PDZRN3: variants seen among roughly 807,000 people sequenced by gnomAD.
The protein encoded by PDZRN3 is PDZ domain containing ring finger 3.
PDZRN3 carries 38 observed loss-of-function variants against 85.7 expected under a neutral mutation model. The observed-to-expected ratio is 0.44, with a 90% CI of 0.34 to 0.58. The LOEUF is 0.58. PDZRN3 is among the 20% of genes least tolerant of loss of function. PDZRN3 has a pLI of 0.01. For missense variants in PDZRN3, 1,629 were observed against 1,506.4 expected (o/e 1.08, Z -1.35); for synonymous variants, 759 against 638.0 (o/e 1.19, Z -2.86).
intron 3 of PDZRN3, among the ~76,000 whole-genome samples, chr3:73,545,340 T>C (rs759477187): frequency 4.6e-5 from 7 of 152,174 alleles, no homozygotes; most frequent in African/African-American, 9.7e-5. Flanking sequence ...AAGAAACTCT[T>C]TGGGGAAGGG....
intron 3 of PDZRN3, among the ~76,000 whole-genome samples, chr3:73,431,789 C>T (rs1482047503): frequency 2.6e-5 from 4 of 151,998 alleles, no homozygotes; most frequent in Non-Finnish European, 5.9e-5. Context: ...AGTATTTCCA[C>T]ATAAATTCAC....
intron 3 of PDZRN3, among the ~76,000 whole-genome samples, chr3:73,496,902 C>CGTCCT (rs1190295223): frequency 6.6e-6 from 1 of 152,156 alleles, no homozygotes; most frequent in Non-Finnish European, 1.5e-5. Context: ...CTTCCTCTCC[C>CGTCCT]GTCCTGTATT....
chr3:73,570,278 TACTG>T (rs1442168085), intron 3 of PDZRN3, among the ~76,000 whole-genome samples: 2 of 152,122 alleles, frequency 1.3e-5, no homozygotes, highest in African/African-American at 2.4e-5. Context: ...AACAAACGAA[TACTG>T]ACTAACTTAT....
chr3:73,424,115 A>G (rs1440666935), intron 3 of PDZRN3, among the ~76,000 whole-genome samples: 1 of 152,160 alleles, frequency 6.6e-6, no homozygotes, highest in Non-Finnish European at 1.5e-5. Context: ...ATAAGTAAAT[A>G]TCTTTCTGAC....
intron 3 of PDZRN3, among the ~76,000 whole-genome samples, chr3:73,442,570 G>A (rs892348116): frequency 1.3e-5 from 2 of 152,160 alleles, no homozygotes; most frequent in Non-Finnish European, 2.9e-5. Context: ...AGGGAGATGT[G>A]ATGGCATTAA....
chr3:73,477,041 T>C (rs1703472264), intron 3 of PDZRN3, among the ~76,000 whole-genome samples: 1 of 152,214 alleles, frequency 6.6e-6, no homozygotes, highest in African/African-American at 2.4e-5. Context: ...TTTATTGAGT[T>C]CTTATAATGT....
At chr3:73,539,649 C>T (rs1704868540) in intron 3 of PDZRN3, among the ~76,000 whole-genome samples, 2 of 152,060 alleles carry the variant, frequency 1.3e-5, no homozygotes, top group South Asian at 4.2e-4. Flanking sequence ...GATGAACAAT[C>T]CAGCCATCCC....
intron 5 of PDZRN3, among the ~76,000 whole-genome samples, chr3:73,399,894 A>G (rs1410677294): frequency 2.0e-5 from 3 of 152,176 alleles, no homozygotes; most frequent in Non-Finnish European, 4.4e-5. Context: ...TTTGCACACA[A>G]TTATTGATTT....
chr3:73,541,891 T>C (rs908570200), intron 3 of PDZRN3, among the ~76,000 whole-genome samples: 10 of 147,416 alleles, frequency 6.8e-5, no homozygotes, highest in Non-Finnish European at 1.6e-4. Context: ...TGTTTGTAAA[T>C]GCTAGAAACC....
At chr3:73,487,438 C>T (rs376600241) in intron 3 of PDZRN3, among the ~76,000 whole-genome samples, 2 of 152,114 alleles carry the variant, frequency 1.3e-5, no homozygotes, top group Admixed American at 6.6e-5. Flanking sequence ...TTTACACCTC[C>T]CAGGAGAAGG....
In PDZRN3 at chr3:73,575,411, CAAG is replaced by C. The variant is rs143190774; in HGVS notation, c.918+26940_918+26942del. Among the ~76,000 whole-genome samples the C allele has an allele frequency of 1.2e-3, 188 of 152,234 alleles. 1 individual carries two copies. Among genetic ancestry groups the C allele is most frequent in the African/African-American group, 4.4e-3 (181 of 41,522 alleles). ...GCCACAAGCTCAGTGAAGCACCACA[CAAG>C]AAGAAGTTGCTCCAAGAAGCCTCAT... On this transcript the variant is annotated intron_variant, in intron 3 of 9. Coordinates refer to ENST00000263666, the MANE Select transcript of PDZRN3 (RefSeq NM_015009.3).
At chr3:73,516,802 A>G (rs1281580810) in intron 3 of PDZRN3, among the ~76,000 whole-genome samples, 1 of 80,278 alleles carries the variant, frequency 1.2e-5, no homozygotes, top group African/African-American at 3.6e-5. Flanking sequence ...GTTACAGGAC[A>G]CGGAGTCCTG....
At chr3:73,397,331 G>GA (rs1381063115) in intron 5 of PDZRN3, among the ~76,000 whole-genome samples, 1 of 152,178 alleles carries the variant, frequency 6.6e-6, no homozygotes, top group African/African-American at 2.4e-5. Flanking sequence ...ATTCAATTTA[G>GA]ATGATAAGTG....
At chr3:73,421,247 A>T (rs1288294462) in intron 3 of PDZRN3, among the ~76,000 whole-genome samples, 1 of 152,120 alleles carries the variant, frequency 6.6e-6, no homozygotes, top group Non-Finnish European at 1.5e-5. Context: ...CACTCCTAAC[A>T]CCCTAGGAGA....
rs922733530 is a variant in PDZRN3, at chr3:73,624,179, T to C, written c.647A>G (p.Tyr216Cys). 1 of 1,503,202 alleles carries C rather than the reference T, an allele frequency of 6.7e-7. No homozygotes were observed. The highest frequency in any genetic ancestry group is 8.8e-7 in the Non-Finnish European group (1 of 1,131,666). The allele number at this position is 1,503,202 out of a possible 1,614,324, so 93.1% of individuals were successfully genotyped here. A position where few individuals can be genotyped will look rare whatever the true frequency, so the allele number is the denominator to read the frequency against. Residue 216 changes from tyrosine to cysteine, a missense_variant, in exon 1 of 10, where the codon TAC (tyrosine) becomes TGC (cysteine). Coordinates refer to ENST00000263666, the MANE Select transcript of PDZRN3 (RefSeq NM_015009.3). ...GCTGTATTCGGTGAATTTCTTCTGG[T>C]AGCGCAGCGCGGTCATCTGCAGCTC... ...QLELQMTALR[Y>C]QKKFTEYSAR...
intron 3 of PDZRN3, among the ~76,000 whole-genome samples, chr3:73,509,915 T>C (rs905730700): frequency 6.6e-6 from 1 of 152,250 alleles, no homozygotes; most frequent in African/African-American, 2.4e-5. Context: ...CCAGCCACCC[T>C]TTCCTTGAAA....
chr3:73,571,932 T>C (rs938558634), intron 3 of PDZRN3, among the ~76,000 whole-genome samples: 21 of 152,338 alleles, frequency 1.4e-4, no homozygotes, highest in African/African-American at 4.8e-4. Flanking sequence ...GAACATGGCA[T>C]TGGGTTTAGA....
rs764298768 is a variant in PDZRN3, at chr3:73,383,900, T to C, written c.2666A>G (p.Gln889Arg). 6.2e-7 allele frequency: 1 copy of C among 1,612,734 alleles called. No homozygotes were observed. The highest frequency in any genetic ancestry group is 2.2e-5 in the East Asian group (1 of 44,842). Residue 889 changes from glutamine to arginine, a missense_variant, in exon 10 of 10, where the codon CAG becomes CGG. Physicochemically the swap from Gln to Arg is conservative, Grantham distance 43. Transcript: ENST00000263666. ...TTGCGCGTACTCCACGGCCGACTTC[T>C]GCTGGATCAGCTGCATGTAGCTCTG... ...HYQSYMQLIQ[Q>R]KSAVEYAQSQ...
chr3:73,384,107 G>C lies in PDZRN3; in HGVS notation c.2459C>G (p.Pro820Arg). ...CTCCTTCAGGGACGGGCTATAGGTA[G>C]GGGTGCCCACTTCGGGATCTTCCGT... The part of the protein sequence containing the change: ...SITEDPEVGT[P>R]TYSPSLKELD... Residue 820 changes from proline (P) to arginine (R), a missense_variant, in exon 10 of 10, where the codon CCT (proline) becomes CGT (arginine). By Grantham distance (103) the Pro-to-Arg change is moderately radical. Coordinates refer to ENST00000263666, the MANE Select transcript of PDZRN3 (RefSeq NM_015009.3). 1 of 1,613,996 alleles carries C rather than the reference G, an allele frequency of 6.2e-7. No individual in the cohort carries two copies.
Sources: allele counts gnomAD v4.1 joint callset (sites outside exome capture counted in the v4.1 genomes callset), GRCh38; gene constraint gnomAD v4.1.1; transcripts MANE v1.5; gene names NCBI Gene and HGNC (gene_info 2026-07-23, HGNC 2026-07-21).